THNSL1: variants seen among roughly 807,000 people sequenced by gnomAD.
THNSL1 encodes the protein threonine synthase like 1.
THNSL1 carries 48 observed loss-of-function variants against 50.4 expected under a neutral mutation model. The observed-to-expected ratio is 0.95, with a 90% CI of 0.76 to 1.21. THNSL1 has a LOEUF of 1.21. Among genes scored for constraint, THNSL1 ranks in the 50% most tolerant of loss-of-function variants. The probability of loss-of-function intolerance (pLI) is 0.00; values close to 1 mark genes in which losing one functional copy is unlikely to be tolerated. For missense variants in THNSL1, 896 were observed against 871.7 expected, an observed-to-expected ratio of 1.03 and a Z score of -0.35; for synonymous variants, 309 against 306.1, an observed-to-expected ratio of 1.01 and a Z score of -0.10.
At chr10:25,016,871 C>G (rs373289200) in intron 1 of THNSL1, 179 bp downstream of exon 1, 1 of 152,696 alleles carries the variant, frequency 6.5e-6, no homozygotes, top group African/African-American at 2.4e-5. Context: ...CGTCCCTTCC[C>G]CTTTCCGCTA....
the THNSL1 span, among the ~76,000 whole-genome samples, chr10:24,967,541 T>C: frequency 1.3e-5 from 2 of 151,948 alleles, no homozygotes; most frequent in Non-Finnish European, 2.9e-5. Flanking sequence ...AATGTTTAGG[T>C]CCTCAAACAA....
At chr10:24,971,310 A>G in the THNSL1 span, among the ~76,000 whole-genome samples, 1 of 152,160 alleles carries the variant, frequency 6.6e-6, no homozygotes, top group Non-Finnish European at 1.5e-5. Context: ...CCACTATGTT[A>G]CACAGGCTGG....
intron 2 of THNSL1, among the ~76,000 whole-genome samples, chr10:25,022,360 T>C (rs866273108): frequency 7.2e-5 from 11 of 152,310 alleles, no homozygotes; most frequent in Non-Finnish European, 1.6e-4. Context: ...ATCTCTCCAC[T>C]GATGATTATA....
the THNSL1 span, among the ~76,000 whole-genome samples, chr10:24,969,154 G>A: frequency 2.0e-5 from 3 of 152,258 alleles, no homozygotes; most frequent in Non-Finnish European, 2.9e-5. Context: ...GCGGCCTGTC[G>A]AAGTGCTGGG....
the THNSL1 span, among the ~76,000 whole-genome samples, chr10:25,004,176 A>C: frequency 6.6e-6 from 1 of 152,186 alleles, no homozygotes. Context: ...CCAGTCTATC[A>C]CTGATGGGCA....
chr10:25,023,202 T>G lies in THNSL1; in HGVS notation c.-22T>G, dbSNP rs201762052. 171 of 1,586,748 alleles carry G rather than the reference T, an allele frequency of 1.1e-4. No individual in the cohort carries two copies. In the East Asian group the frequency reaches 3.3e-3, roughly 31 times the overall value. On this transcript the variant is annotated 5_prime_UTR_variant, in exon 3 of 3. Coordinates refer to ENST00000376356, the MANE Select transcript of THNSL1 (RefSeq NM_024838.5). ...GCTAAAGCCAATTTTTAGGTTGGCT[T>G]GGGCAGAAAAGTGAAAAGAGAATGC... is the stretch of plus-strand genomic sequence containing the variant.
the THNSL1 span, among the ~76,000 whole-genome samples, chr10:24,985,662 A>G: frequency 6.6e-6 from 1 of 152,212 alleles, no homozygotes; most frequent in Non-Finnish European, 1.5e-5. Context: ...CATAATTATC[A>G]TTTTTTTATC....
chr10:24,989,267 C>T, the THNSL1 span, among the ~76,000 whole-genome samples: 1 of 152,208 alleles, frequency 6.6e-6, no homozygotes, highest in African/African-American at 2.4e-5. Flanking sequence ...GCCAGCCTTC[C>T]TTCCTGCCTG....
chr10:24,981,374 G>T, the THNSL1 span, among the ~76,000 whole-genome samples: 1 of 152,152 alleles, frequency 6.6e-6, no homozygotes, highest in African/African-American at 2.4e-5. Flanking sequence ...GAGTAACTTA[G>T]GAAGTATTGC....
At chr10:25,013,920 C>T (rs1251909200), upstream of THNSL1, among the ~76,000 whole-genome samples, 1 of 149,724 alleles carries the variant, frequency 6.7e-6, no homozygotes, top group African/African-American at 2.5e-5. Context: ...CCAGCCTGGG[C>T]AAAAAGAGTG....
the THNSL1 span, among the ~76,000 whole-genome samples, chr10:25,002,747 A>G: frequency 2.0e-5 from 3 of 152,048 alleles, no homozygotes; most frequent in Non-Finnish European, 4.4e-5. Flanking sequence ...TCCTTTTAGG[A>G]GCCTTGCCTC....
intron 1 of THNSL1, among the ~76,000 whole-genome samples, chr10:25,020,574 C>T (rs929861122): frequency 3.3e-5 from 5 of 152,008 alleles, no homozygotes; most frequent in Admixed American, 6.6e-5. Context: ...CGAGATCAGT[C>T]TGGGCAACAT....
At chr10:24,986,309 A>T in the THNSL1 span, among the ~76,000 whole-genome samples, 5 of 152,226 alleles carry the variant, frequency 3.3e-5, no homozygotes, top group Non-Finnish European at 7.3e-5. Flanking sequence ...GGCACACTGT[A>T]TAGAAGAGGT....
the THNSL1 span, among the ~76,000 whole-genome samples, chr10:24,969,176 G>C: frequency 6.6e-6 from 1 of 152,176 alleles, no homozygotes; most frequent in Non-Finnish European, 1.5e-5. Context: ...TTACAGGAAT[G>C]AGCCACCGCG....
chr10:25,017,758 G>C (rs1850636371), intron 1 of THNSL1, among the ~76,000 whole-genome samples: 3 of 151,616 alleles, frequency 2.0e-5, no homozygotes, highest in African/African-American at 7.3e-5. Context: ...TTTAGATCTA[G>C]ATCCAAATCT....
the THNSL1 span, among the ~76,000 whole-genome samples, chr10:24,956,238 A>G: frequency 3.2e-4 from 49 of 152,172 alleles, 1 homozygote; most frequent in South Asian, 0.01. Context: ...TTCATCACCC[A>G]GGTAATAACC....
Position 25,023,457 on chromosome 10 carries a change from A to G in THNSL1, c.234A>G (p.Lys78=). 2 of 1,614,144 alleles carry G rather than the reference A, an allele frequency of 1.2e-6. No homozygotes were observed. The highest frequency in any genetic ancestry group is 2.2e-5 in the South Asian group (2 of 91,078). Residue 78 remains lysine (K), a synonymous_variant, in exon 3 of 3, where the codon AAA becomes AAG. Coordinates refer to ENST00000376356, the MANE Select transcript of THNSL1 (RefSeq NM_024838.5). ...CAGTAGGCAGAATAATAGGTCAGAA[A>G]CTAGGTTGTTGTGTCATAGATGTGG... ...KTTVGRIIGQ[K]LGCCVIDVDD... is the part of the protein sequence containing the mutation.
chr10:25,017,260 TTTG>T (rs1179090288), intron 1 of THNSL1, among the ~76,000 whole-genome samples: 2 of 152,210 alleles, frequency 1.3e-5, no homozygotes, highest in Admixed American at 1.3e-4. Context: ...TTTATTCCTT[TTTG>T]TTCCACCTGG....
At chr10:24,997,608 C>T in the THNSL1 span, among the ~76,000 whole-genome samples, 147 of 152,048 alleles carry the variant, frequency 9.7e-4, no homozygotes, top group African/African-American at 3.4e-3. Flanking sequence ...AGGCTGGTCT[C>T]GTACTCCTGG....
Sources: allele counts gnomAD v4.1 joint callset (sites outside exome capture counted in the v4.1 genomes callset), GRCh38; gene constraint gnomAD v4.1.1; transcripts MANE v1.5; gene names NCBI Gene and HGNC (gene_info 2026-07-23, HGNC 2026-07-21).